Variants in PANX1 observed in about 807,000 individuals in gnomAD.
PANX1 encodes the protein pannexin-1.
PANX1 carries 30 observed loss-of-function variants against 38.7 expected under a neutral mutation model. That is an observed-to-expected ratio of 0.78 (90% CI 0.58 to 1.05). The LOEUF (loss-of-function observed/expected upper bound fraction) is 1.05. Among genes scored for constraint, PANX1 ranks in the 50% least tolerant of loss-of-function variants. The pLI is 0.00. For synonymous variants in PANX1, 230 were observed against 212.2 expected (o/e 1.08, Z -0.73); for missense variants, 551 against 517.2 (o/e 1.07, Z -0.63).
In PANX1 at chr11:94,178,665, G is replaced by T. The variant is rs1031924471; in HGVS notation, c.545+73G>T. 13 of 1,190,134 alleles carry T rather than the reference G, an allele frequency of 1.1e-5. No individual in the cohort carries two copies. The African/African-American group carries it at 1.8e-4, about 17-fold the overall frequency. The allele number at this position is 1,190,134 out of a possible 1,614,324, so 73.7% of individuals were successfully genotyped here. A position where few individuals can be genotyped will look rare whatever the true frequency, so the allele number is the denominator to read the frequency against. On this transcript the variant is annotated intron_variant, in intron 3 of 4. Coordinates refer to ENST00000227638, the MANE Select transcript of PANX1 (RefSeq NM_015368.4). ...CTCTGCCCTTCTACTGCCAGTCTGG[G>T]CCCAGAGTTCTCATTGCTAGGAGGC...
chr11:94,147,613 C>A (rs1946841974), intron 1 of PANX1, among the ~76,000 whole-genome samples: 1 of 152,196 alleles, frequency 6.6e-6, no homozygotes, highest in African/African-American at 2.4e-5. Context: ...TGTTGCTGCA[C>A]TTAGCGGGCT....
intron 2 of PANX1, among the ~76,000 whole-genome samples, chr11:94,161,742 A>G (rs1947039601): frequency 6.6e-6 from 1 of 152,156 alleles, no homozygotes; most frequent in African/African-American, 2.4e-5. Flanking sequence ...TTCTCCGTCC[A>G]GATTTCTTCT....
intron 2 of PANX1, among the ~76,000 whole-genome samples, chr11:94,160,724 CA>C (rs1287971518): frequency 6.6e-6 from 1 of 152,164 alleles, no homozygotes; most frequent in African/African-American, 2.4e-5. Context: ...AGCCCATTTA[CA>C]TTTAAAATTA....
chr11:94,168,426 G>A (rs1042133701), intron 2 of PANX1, among the ~76,000 whole-genome samples: 2 of 151,322 alleles, frequency 1.3e-5, no homozygotes, highest in Admixed American at 1.3e-4. Flanking sequence ...CAGTAATGGT[G>A]TACAGGAGAG....
At chr11:94,151,931 G>A (rs1946886615) in intron 1 of PANX1, among the ~76,000 whole-genome samples, 1 of 152,162 alleles carries the variant, frequency 6.6e-6, no homozygotes, top group African/African-American at 2.4e-5. Flanking sequence ...GAAATGCTCA[G>A]GGCTTTGCCG....
chr11:94,178,461 C>T lies in PANX1; in HGVS notation c.414C>T (p.Asp138=), dbSNP rs1947261606. The T allele has an allele frequency of 6.2e-7, 1 of 1,614,106 alleles. No individual in the cohort carries two copies. The highest frequency in any genetic ancestry group is 8.5e-7 in the Non-Finnish European group (1 of 1,179,982). ...CAGCTGCTCCTCATATTTGCTCAGA[C>T]TTGAAGTTTATCATGGAAGAACTTG... ...RFAAAPHICS[D]LKFIMEELDK... The change falls in exon 3 of 5, where the codon GAC becomes GAT. Residue 138 remains aspartate (D), a synonymous_variant. Coordinates refer to ENST00000227638, the MANE Select transcript of PANX1 (RefSeq NM_015368.4).
rs1947301387 is a variant in PANX1 at position 94,181,038 on chromosome 11, T to C, written c.*169T>C. 1.3e-5 allele frequency: 8 copies of C among 595,650 alleles called. No homozygotes were observed. Among genetic ancestry groups the C allele is most frequent in the South Asian group, 1.2e-4 (6 of 48,648 alleles). 36.9% of individuals were successfully genotyped at this position (595,650 alleles called of 1,614,324 possible). On this transcript the variant is annotated 3_prime_UTR_variant, in exon 5 of 5. Transcript: ENST00000227638. ...GGAAATGGTGATCAACAAAAGGTTA[T>C]GGAAGAATGGTTTATGAACTTCCCA...
chr11:94,170,519 C>T (rs761319826), intron 2 of PANX1, among the ~76,000 whole-genome samples: 2 of 151,820 alleles, frequency 1.3e-5, no homozygotes, highest in African/African-American at 2.4e-5. Context: ...CTGTGAACAT[C>T]TGTTCGAGTC....
intron 2 of PANX1, among the ~76,000 whole-genome samples, chr11:94,162,602 C>G (rs1240416824): frequency 6.6e-6 from 1 of 152,166 alleles, no homozygotes; most frequent in East Asian, 1.9e-4. Context: ...CCTGATTTTC[C>G]AGGTGCCATC....
At chr11:94,149,548 A>G (rs1486024523) in intron 1 of PANX1, among the ~76,000 whole-genome samples, 1 of 152,224 alleles carries the variant, frequency 6.6e-6, no homozygotes, top group Non-Finnish European at 1.5e-5. Flanking sequence ...AGACGTACAT[A>G]AATGTAAAGC....
intron 2 of PANX1, among the ~76,000 whole-genome samples, chr11:94,174,525 A>G (rs1027632344): frequency 2.0e-5 from 3 of 151,186 alleles, no homozygotes; most frequent in South Asian, 4.2e-4. Flanking sequence ...TTCCCTGACC[A>G]CCTCCCCAGG....
chr11:94,155,350 CAAAAA>C (rs34215722), intron 2 of PANX1, among the ~76,000 whole-genome samples: 1 of 101,434 alleles, frequency 9.9e-6, no homozygotes, highest in African/African-American at 3.4e-5. Context: ...AACTCCATCT[CAAAAA>C]AAAAAAAAAA....
chr11:94,180,450 C>G (rs72972549), intron 4 of PANX1, among the ~76,000 whole-genome samples, 193 bp downstream of exon 4: 2 of 152,268 alleles, frequency 1.3e-5, no homozygotes, highest in East Asian at 1.9e-4. Flanking sequence ...AGAATTGGTG[C>G]TGCTCTACAT....
rs576747452 is a variant in PANX1, at chr11:94,178,529, G to C, written c.482G>C (p.Arg161Pro). 6.2e-7 allele frequency: 1 copy of C among 1,614,098 alleles called. No individual in the cohort carries two copies. The highest frequency in any genetic ancestry group is 2.2e-5 in the East Asian group (1 of 44,872). The change falls in exon 3 of 5, where the codon CGT becomes CCT. Residue 161 changes from arginine (R) to proline (P), a missense_variant. Arg to Pro is a moderately radical substitution (Grantham distance 103). Transcript: ENST00000227638. Reference protein sequence around the residue: ...NRAIKAAKSARDLDMRDGACS... With the variant: ...NRAIKAAKSAPDLDMRDGACS... ...GCAATTAAGGCTGCAAAGAGTGCGC[G>C]TGACCTTGACATGAGAGATGGAGCC...
chr11:94,149,059 G>GTTAGAT (rs1051613650), intron 1 of PANX1, among the ~76,000 whole-genome samples: 34 of 152,112 alleles, frequency 2.2e-4, no homozygotes, highest in Non-Finnish European at 2.4e-4. Context: ...CACAGCAAGG[G>GTTAGAT]TTAGTTCCCT....
chr11:94,178,304 C>G, intron 2 of PANX1, 65 bp from the exon 3 acceptor site: 1 of 1,230,336 alleles, frequency 8.1e-7, no homozygotes, highest in Non-Finnish European at 1.2e-6. Flanking sequence ...GAGAGCATCA[C>G]TTGGCGCCAT....
chr11:94,157,697 C>T lies in PANX1; in HGVS notation c.321+4067C>T, dbSNP rs538824322. Among the ~76,000 whole-genome samples, 450 of 152,308 alleles carry T rather than the reference C, an allele frequency of 3.0e-3. 2 individuals are homozygous for T. The highest frequency in any genetic ancestry group is 9.6e-3 in the African/African-American group (400 of 41,560). ...TCCCATTCTGTAGGTTGCCTGTTCA[C>T]TCTGATGGTAGTTTCTTTTGCTGTG... is the stretch of plus-strand genomic sequence containing the variant. On this transcript the variant is annotated intron_variant, in intron 2 of 4. Transcript: ENST00000227638.
At chr11:94,136,648 G>A (rs1946695418) in intron 1 of PANX1, among the ~76,000 whole-genome samples, 1 of 151,996 alleles carries the variant, frequency 6.6e-6, no homozygotes, top group African/African-American at 2.4e-5. Flanking sequence ...GGCGCCTGTA[G>A]TCCCAGCTAC....
At chr11:94,166,540 CTT>C (rs1947102730) in intron 2 of PANX1, among the ~76,000 whole-genome samples, 2 of 152,292 alleles carry the variant, frequency 1.3e-5, no homozygotes, top group East Asian at 1.9e-4. Context: ...TCTTGGAACT[CTT>C]TTATATGTAA....
Sources: gnomAD v4.1 joint callset for allele counts (sites outside exome capture counted in the v4.1 genomes callset) on GRCh38, gnomAD v4.1.1 for gene constraint, MANE v1.5 for transcripts, NCBI Gene and HGNC (gene_info 2026-07-23, HGNC 2026-07-21) for gene names.